Variants in PRR16 observed in about 807,000 individuals in gnomAD.
PRR16 encodes protein Largen.
A neutral mutation model predicts 18.2 loss-of-function variants in PRR16; 6 were observed. That is an observed-to-expected ratio of 0.33 (90% CI 0.18 to 0.65). The LOEUF (loss-of-function observed/expected upper bound fraction) is 0.65, where lower values mean the gene tolerates loss of function less well. PRR16 is among the 30% of genes least tolerant of loss of function. PRR16 has a pLI of 0.74. For synonymous variants in PRR16, 151 were observed against 147.8 expected (o/e 1.02, Z -0.16); for missense variants, 412 against 376.6 (o/e 1.09, Z -0.78).
At chr5:120,487,802 A>C (rs183235795) in intron 1 of PRR16, among the ~76,000 whole-genome samples, 1 of 152,140 alleles carries the variant, frequency 6.6e-6, no homozygotes, top group Non-Finnish European at 1.5e-5. Flanking sequence ...GATAGCTCTT[A>C]TTATTTTGAG....
the PRR16 span, among the ~76,000 whole-genome samples, chr5:120,755,663 T>C: frequency 2.6e-3 from 393 of 152,250 alleles, 5 homozygotes; most frequent in African/African-American, 8.7e-3. Flanking sequence ...TTTATGTCTT[T>C]TGTTATTGTG....
At chr5:120,662,839 G>A (rs1057191536) in intron 1 of PRR16, among the ~76,000 whole-genome samples, 1 of 152,058 alleles carries the variant, frequency 6.6e-6, no homozygotes, top group African/African-American at 2.4e-5. Flanking sequence ...AAGGCCTGGG[G>A]ACCTTGGGGG....
intron 1 of PRR16, among the ~76,000 whole-genome samples, chr5:120,536,228 A>G (rs1470058669): frequency 6.6e-6 from 1 of 152,144 alleles, no homozygotes; most frequent in Non-Finnish European, 1.5e-5. Context: ...GGATCTCCTT[A>G]GTAACCAATT....
At chr5:120,537,826 G>T (rs550746264) in intron 1 of PRR16, among the ~76,000 whole-genome samples, 2 of 142,634 alleles carry the variant, frequency 1.4e-5, no homozygotes, top group South Asian at 2.2e-4. Flanking sequence ...GCCCAGGCTG[G>T]AGTGCAGTGG....
chr5:120,638,660 G>A (rs1755324673), intron 1 of PRR16, among the ~76,000 whole-genome samples: 1 of 152,106 alleles, frequency 6.6e-6, no homozygotes, highest in Non-Finnish European at 1.5e-5. Context: ...CTACAGCTCT[G>A]CACTTTCTCT....
At chr5:120,569,442 C>T (rs79398919) in intron 1 of PRR16, among the ~76,000 whole-genome samples, 6,671 of 152,056 alleles carry the variant, frequency 0.044, 151 homozygotes, top group African/African-American at 0.057. Flanking sequence ...ATGGAGAAAC[C>T]GGAGTGAGAA....
At chr5:120,793,325 C>G in the PRR16 span, among the ~76,000 whole-genome samples, 1 of 151,648 alleles carries the variant, frequency 6.6e-6, no homozygotes, top group African/African-American at 2.4e-5. Context: ...AAGATTAAGA[C>G]CCTGCCTCAG....
the PRR16 span, among the ~76,000 whole-genome samples, chr5:120,762,982 T>G: frequency 6.6e-6 from 1 of 152,248 alleles, no homozygotes; most frequent in East Asian, 1.9e-4. Flanking sequence ...TTTTTCTGCA[T>G]ATGAATATCC....
intron 1 of PRR16, among the ~76,000 whole-genome samples, chr5:120,653,215 C>T (rs1488260159): frequency 6.6e-6 from 1 of 151,392 alleles, no homozygotes; most frequent in African/African-American, 2.4e-5. Flanking sequence ...CTATGTTGGT[C>T]CCATGGATGT....
the PRR16 span, among the ~76,000 whole-genome samples, chr5:120,707,441 GAAAC>G: frequency 6.6e-6 from 1 of 152,006 alleles, no homozygotes. Context: ...TACTTTTGGA[GAAAC>G]AAAGTTCTCT....
chr5:120,724,134 T>G, the PRR16 span, among the ~76,000 whole-genome samples: 2 of 151,988 alleles, frequency 1.3e-5, no homozygotes, highest in Admixed American at 1.3e-4. Flanking sequence ...AATTGCAAAT[T>G]AACTTCAGAC....
chr5:120,502,889 CT>C (rs1750511195), intron 1 of PRR16, among the ~76,000 whole-genome samples: 1 of 152,130 alleles, frequency 6.6e-6, no homozygotes, highest in Admixed American at 6.5e-5. Flanking sequence ...AGATAGTCTA[CT>C]TTTAGGAGGC....
At chr5:120,536,731 T>A (rs1751728775) in intron 1 of PRR16, among the ~76,000 whole-genome samples, 1 of 152,232 alleles carries the variant, frequency 6.6e-6, no homozygotes, top group Non-Finnish European at 1.5e-5. Context: ...GATCCACTAA[T>A]ATAGTTCCCT....
chr5:120,696,105 A>G, the PRR16 span, among the ~76,000 whole-genome samples: 1 of 151,988 alleles, frequency 6.6e-6, no homozygotes, highest in Non-Finnish European at 1.5e-5. Flanking sequence ...AGCCGGACGT[A>G]GTGGCGAGCG....
At chr5:120,589,471 A>G (rs1753559459) in intron 1 of PRR16, among the ~76,000 whole-genome samples, 1 of 152,108 alleles carries the variant, frequency 6.6e-6, no homozygotes, top group African/African-American at 2.4e-5. Context: ...ACACAGGCTT[A>G]GTATAAGGCT....
chr5:120,526,039 A>C (rs1751335772), intron 1 of PRR16, among the ~76,000 whole-genome samples: 1 of 152,202 alleles, frequency 6.6e-6, no homozygotes, highest in African/African-American at 2.4e-5. Flanking sequence ...AGAAACAGTT[A>C]GATCCACAAT....
At chr5:120,741,346 C>T in the PRR16 span, among the ~76,000 whole-genome samples, 1 of 152,120 alleles carries the variant, frequency 6.6e-6, no homozygotes, top group East Asian at 1.9e-4. Flanking sequence ...GGATTGCAGG[C>T]ACCTGCTACT....
the PRR16 span, among the ~76,000 whole-genome samples, chr5:120,766,654 A>G: frequency 6.6e-6 from 1 of 151,756 alleles, no homozygotes; most frequent in South Asian, 2.1e-4. Flanking sequence ...TAGTAACTGT[A>G]ATCCTCAATA....
At chr5:120,534,018 G>C (rs1751635822) in intron 1 of PRR16, among the ~76,000 whole-genome samples, 2 of 152,190 alleles carry the variant, frequency 1.3e-5, no homozygotes, top group Non-Finnish European at 2.9e-5. Flanking sequence ...AGATGGAGAA[G>C]GCTGCATGTG....
Sources: gnomAD v4.1 joint callset for allele counts (sites outside exome capture counted in the v4.1 genomes callset) on GRCh38, gnomAD v4.1.1 for gene constraint, MANE v1.5 for transcripts, NCBI Gene and HGNC (gene_info 2026-07-23, HGNC 2026-07-21) for gene names.